The following MGAT4C variants were observed in gnomAD, a reference collection of about 807,000 sequenced individuals.
MGAT4C encodes alpha-1,3-mannosyl-glycoprotein 4-beta-N-acetylglucosaminyltransferase C.
In MGAT4C, 19 loss-of-function variants were observed where a neutral mutation model predicts 40.1. The ratio of observed to expected loss-of-function variants is 0.47; its 90% CI spans 0.33 to 0.70. The LOEUF is 0.70. Among genes scored for constraint, MGAT4C ranks in the 30% least tolerant of loss-of-function variants. The probability of loss-of-function intolerance (pLI) is 0.02; values close to 1 mark genes in which losing one functional copy is unlikely to be tolerated. For synonymous variants in MGAT4C, 181 were observed against 187.1 expected, an observed-to-expected ratio of 0.97 and a Z score of 0.27; for missense variants, 491 against 563.2, an observed-to-expected ratio of 0.87 and a Z score of 1.30.
chr12:86,031,777 A>C (rs1162869099), intron 2 of MGAT4C, among the ~76,000 whole-genome samples: 1 of 151,780 alleles, frequency 6.6e-6, no homozygotes, highest in East Asian at 1.9e-4. Context: ...GTTAACTTTT[A>C]TCTTAAGTTC....
chr12:86,314,500 A>T (rs1029322928), intron 4 of MGAT4C, among the ~76,000 whole-genome samples: 1 of 152,214 alleles, frequency 6.6e-6, no homozygotes, highest in African/African-American at 2.4e-5. Flanking sequence ...AAGAAGTCAA[A>T]CTATCTCTAT....
At chr12:86,132,651 G>T (rs1881366396) in intron 1 of MGAT4C, among the ~76,000 whole-genome samples, 1 of 152,000 alleles carries the variant, frequency 6.6e-6, no homozygotes, top group African/African-American at 2.4e-5. Flanking sequence ...AATTAGCTGG[G>T]CATGGTGGCG....
chr12:86,609,943 C>A (rs565047522), intron 2 of MGAT4C, among the ~76,000 whole-genome samples: 1 of 152,230 alleles, frequency 6.6e-6, no homozygotes, highest in South Asian at 2.1e-4. Context: ...TTTTATAGTT[C>A]ATCACATTAT....
chr12:86,698,961 G>A (rs1950308319), intron 2 of MGAT4C, among the ~76,000 whole-genome samples: 2 of 152,076 alleles, frequency 1.3e-5, no homozygotes, highest in Admixed American at 1.3e-4. Context: ...CATAGTTAAT[G>A]GGCAAGATAG....
chr12:86,584,326 T>C (rs981146470), intron 2 of MGAT4C, among the ~76,000 whole-genome samples: 1 of 150,940 alleles, frequency 6.6e-6, no homozygotes, highest in Admixed American at 6.6e-5. Flanking sequence ...ATATTTTTAA[T>C]GGGATTTGGT....
At chr12:86,464,503 A>C (rs1177011147) in intron 2 of MGAT4C, among the ~76,000 whole-genome samples, 1 of 152,084 alleles carries the variant, frequency 6.6e-6, no homozygotes, top group African/African-American at 2.4e-5. Flanking sequence ...TATATTCTCC[A>C]CATACACCTA....
chr12:86,768,253 A>G (rs1593188600), intron 1 of MGAT4C, among the ~76,000 whole-genome samples: 1 of 152,310 alleles, frequency 6.6e-6, no homozygotes, highest in East Asian at 1.9e-4. Context: ...ATCATGAGTG[A>G]ATTCCCATTC....
In MGAT4C at chr12:86,812,684, C is replaced by T. The variant is rs4554962; in HGVS notation, c.-262+25982G>A. Among the ~76,000 whole-genome samples the T allele has an allele frequency of 5.6e-3, 849 of 152,174 alleles. 3 individuals carry two copies. The highest frequency in any genetic ancestry group is 8.9e-3 in the Non-Finnish European group (607 of 68,008). ...ATTTCCTTTTCCATCCTTTAACTAT[C>T]AGCCTACCTATGTTGTTGAATGTGA... On this transcript the variant is annotated intron_variant, in intron 1 of 7. Coordinates refer to the MGAT4C transcript ENST00000548651.
chr12:86,431,111 A>T (rs930444811), intron 3 of MGAT4C, among the ~76,000 whole-genome samples: 2 of 152,186 alleles, frequency 1.3e-5, no homozygotes, highest in East Asian at 1.9e-4. Context: ...AGGGTGAGTT[A>T]AAAGCATATA....
chr12:86,277,613 T>C (rs1365469436), intron 4 of MGAT4C, among the ~76,000 whole-genome samples: 1 of 152,212 alleles, frequency 6.6e-6, no homozygotes, highest in Non-Finnish European at 1.5e-5. Context: ...CTTCTGCATA[T>C]GGATATCCAG....
chr12:86,288,584 C>T (rs1359634344), intron 4 of MGAT4C, among the ~76,000 whole-genome samples: 1 of 152,132 alleles, frequency 6.6e-6, no homozygotes, highest in Non-Finnish European at 1.5e-5. Flanking sequence ...ATTTTCCCAA[C>T]ACCATTTATT....
At chr12:86,666,191 A>G (rs1247026921) in intron 2 of MGAT4C, among the ~76,000 whole-genome samples, 2 of 152,192 alleles carry the variant, frequency 1.3e-5, no homozygotes, top group African/African-American at 4.8e-5. Context: ...CAAAGGTACC[A>G]TTAGATTCGT....
chr12:86,777,566 T>C lies in MGAT4C; in HGVS notation c.-261-50325A>G, dbSNP rs76594391. On this transcript the variant is annotated intron_variant, in intron 1 of 7. Transcript: ENST00000548651. ...CAGCCAGACCCTCTGAATCTTGTGGTTGGAAATGTACCAAGTAGTCTTTGG... is the reference window on the plus strand; with the variant it reads ...CAGCCAGACCCTCTGAATCTTGTGGCTGGAAATGTACCAAGTAGTCTTTGG... Among the ~76,000 whole-genome samples the C allele has an allele frequency of 3.0e-3, 459 of 152,290 alleles. 19 individuals carry two copies. In the East Asian group the frequency reaches 0.069, roughly 23 times the overall value.
intron 2 of MGAT4C, among the ~76,000 whole-genome samples, chr12:85,997,546 T>C (rs899279681): frequency 8.5e-5 from 13 of 152,154 alleles, no homozygotes; most frequent in African/African-American, 2.7e-4. Flanking sequence ...ACTGCCTAGA[T>C]ACAATGGAGG....
intron 1 of MGAT4C, among the ~76,000 whole-genome samples, chr12:86,794,799 A>C (rs1479516798): frequency 6.6e-6 from 1 of 151,858 alleles, no homozygotes; most frequent in Non-Finnish European, 1.5e-5. Context: ...TGATGCAATA[A>C]AATATGACTT....
chr12:86,054,717 T>G (rs1893222146), intron 1 of MGAT4C, among the ~76,000 whole-genome samples: 1 of 151,630 alleles, frequency 6.6e-6, no homozygotes, highest in Non-Finnish European at 1.5e-5. Flanking sequence ...TAAATTAGCT[T>G]AAAAAAACAA....
chr12:86,422,653 T>C (rs956986515), intron 3 of MGAT4C, among the ~76,000 whole-genome samples: 20 of 152,220 alleles, frequency 1.3e-4, no homozygotes, highest in African/African-American at 4.6e-4. Context: ...AAATTTCTAT[T>C]TCCTTTTTAT....
intron 4 of MGAT4C, among the ~76,000 whole-genome samples, chr12:86,331,187 T>C (rs1954658965): frequency 6.6e-6 from 1 of 152,172 alleles, no homozygotes; most frequent in Non-Finnish European, 1.5e-5. Flanking sequence ...GATTCAAGTG[T>C]GAAGCTTGAG....
chr12:86,838,343 A>C (rs1201394041), intron 1 of MGAT4C, among the ~76,000 whole-genome samples: 1 of 152,202 alleles, frequency 6.6e-6, no homozygotes, highest in Non-Finnish European at 1.5e-5. Context: ...TCCAAAGTAC[A>C]TATTTTTCTT....
Sources: allele counts gnomAD v4.1 joint callset (sites outside exome capture counted in the v4.1 genomes callset), GRCh38; gene constraint gnomAD v4.1.1; transcripts MANE v1.5; gene names NCBI Gene and HGNC (gene_info 2026-07-23, HGNC 2026-07-21).